The following MUC6 variants were observed in gnomAD, a reference collection of about 807,000 sequenced individuals.
MUC6 encodes mucin-6.
MUC6 carries 188 observed loss-of-function variants against 201.5 expected under a neutral mutation model. That is an observed-to-expected ratio of 0.93 (90% CI 0.83 to 1.05). The LOEUF is 1.05. Ranked by LOEUF, MUC6 falls within the 50% of genes least tolerant of loss-of-function variation. MUC6 has a pLI of 0.00. For synonymous variants in MUC6, 1,228 were observed against 1,389.4 expected (o/e 0.88, Z 2.58); for missense variants, 2,706 against 3,256.9 (o/e 0.83, Z 4.12).
chr11:1,031,365 C>A (rs189762595), intron 4 of MUC6, 106 bp from the exon 5 acceptor site: 118 of 1,221,950 alleles, frequency 9.7e-5, no homozygotes, highest in Middle Eastern at 2.6e-4. Flanking sequence ...ACCATCCCCC[C>A]ACCTGCTCAT....
chr11:1,013,878 G>A (rs1564829645), intron 32 of MUC6, 21 bp downstream of exon 32: 6 of 1,588,946 alleles, frequency 3.8e-6, no homozygotes, highest in South Asian at 3.4e-5. Flanking sequence ...CGTGGGGCAG[G>A]CCTCCCACCT....
chr11:1,032,380 TGGA>T (rs1437221227), intron 2 of MUC6, among the ~76,000 whole-genome samples: 1 of 151,022 alleles, frequency 6.6e-6, no homozygotes, highest in East Asian at 2.0e-4. Context: ...GTGTGTGTGT[TGGA>T]GGGCTGTGTA....
Position 1,016,152 on chromosome 11 carries a change from A to G in MUC6, c.6649T>C (p.Ser2217Pro). ...AGAGCAGAGAGGGTGAAAGGAGAGG[A>G]GATAGTGTGGGGGAGAGTGGCCCTA... ...TIRATLPHTISSPFTLSALLP... is the reference protein window; with the variant it reads ...TIRATLPHTIPSPFTLSALLP... Residue 2217 changes from serine to proline, a missense_variant, in exon 31 of 33, where the codon TCC becomes CCC. Physicochemically the swap from Ser to Pro is moderately conservative, Grantham distance 74 (BLOSUM62 -1). Transcript: ENST00000421673. 6.2e-7 allele frequency: 1 copy of G among 1,613,380 alleles called. No homozygotes were observed. Among genetic ancestry groups the G allele is most frequent in the Non-Finnish European group, 8.5e-7 (1 of 1,179,764 alleles).
At position 1,016,417 on chromosome 11, in the gene MUC6, G is replaced by A; in HGVS notation, c.6384C>T (p.Ser2128=). The change falls in exon 31 of 33, where the codon TCC becomes TCT. Residue 2128 remains serine, a synonymous_variant. Transcript: ENST00000421673. ...CAGAAGGACTGGGAGAAAATGAGGA[G>A]GACAGCTGATTAGTTGTGGAAACAG... The part of the protein sequence containing the change: ...TTPVSTTNQL[S]SSFSPSPSAP... 1 of 1,613,770 alleles carries A rather than the reference G, an allele frequency of 6.2e-7. No homozygotes were observed. The highest frequency in any genetic ancestry group is 8.5e-7 in the Non-Finnish European group (1 of 1,179,824).
intron 2 of MUC6, among the ~76,000 whole-genome samples, chr11:1,032,355 G>A (rs1285315630): frequency 6.6e-6 from 1 of 152,046 alleles, no homozygotes; most frequent in Admixed American, 6.5e-5. Context: ...GTGTGTCCAT[G>A]TGTGCATTGT....
At position 1,028,964 on chromosome 11, in the gene MUC6, GGA is replaced by G. The variant is rs1232648823; in HGVS notation, c.1381-5_1381-4del. The G allele has an allele frequency of 6.2e-7, 1 of 1,613,172 alleles. No homozygotes were observed. Among genetic ancestry groups the G allele is most frequent in the African/African-American group, 1.3e-5 (1 of 75,064 alleles). On this transcript the variant is annotated splice_polypyrimidine_tract_variant and splice_region_variant and intron_variant, in intron 11 of 32. Transcript: ENST00000421673. ...TCCTGAGAGATCACAATTTTGTCCTGGAGAGAGGGTGGCCTGAGTCAGGGTGC... is the reference window on the plus strand; with the variant it reads ...TCCTGAGAGATCACAATTTTGTCCTGGAGAGGGTGGCCTGAGTCAGGGTGC...
chr11:1,013,572 A>G lies in MUC6; in HGVS notation c.7204T>C (p.Tyr2402His). ...RCSCCRPLHS[Y>H]EQQLELPCPD... The stretch of plus-strand genomic sequence containing the variant: ...CAGGGCAGCTCCAGCTGCTGCTCAT[A>G]GGAGTGGAGGGGGCGGCAGCAGCTG... The change falls in exon 33 of 33, where the codon TAT becomes CAT. Residue 2402 changes from tyrosine (Y) to histidine (H), a missense_variant. Coordinates refer to ENST00000421673, the MANE Select transcript of MUC6 (RefSeq NM_005961.3). The G allele has an allele frequency of 6.4e-7, 1 of 1,572,568 alleles. No homozygotes were observed. Among genetic ancestry groups the G allele is most frequent in the South Asian group, 1.2e-5 (1 of 85,450 alleles).
Position 1,027,360 on chromosome 11 carries a change from G to A in MUC6, c.2139C>T (p.Gly713=), listed in dbSNP as rs1023949461. The A allele has an allele frequency of 5.0e-6, 8 of 1,612,840 alleles. No individual in the cohort carries two copies. The highest frequency in any genetic ancestry group is 1.3e-5 in the African/African-American group (1 of 74,920). ...CPDGTYLNQK[G]ECVRKAQCPC... ...GGCACTGGGCCTTGCGCACACACTC[G>A]CCCTTTTGGTTCAGGTAGGTGCCAT... Residue 713 remains glycine (G), a synonymous_variant, in exon 17 of 33, where the codon GGC becomes GGT. Coordinates refer to ENST00000421673, the MANE Select transcript of MUC6 (RefSeq NM_005961.3).
At chr11:1,029,755 C>T (rs1176391480) in intron 8 of MUC6, 140 bp from the exon 9 acceptor site, 5 of 1,215,964 alleles carry the variant, frequency 4.1e-6, no homozygotes, top group Middle Eastern at 2.9e-4. Flanking sequence ...GACGCCCCTC[C>T]AGCCTGGCTC....
In MUC6 at chr11:1,021,214, C is replaced by T; in HGVS notation, c.3589+1G>A. The stretch of plus-strand genomic sequence containing the variant: ...TTCTCAGGGCAGCCGACTGGACTTA[C>T]TGCAGGGCACGCACACCCCCTCCTC... On this transcript the variant is annotated splice_donor_variant, in intron 27 of 32. Transcript: ENST00000421673. LOFTEE classifies it high-confidence loss of function. The T allele has an allele frequency of 6.3e-7, 1 of 1,585,584 alleles. No homozygotes were observed. Among genetic ancestry groups the T allele is most frequent in the Non-Finnish European group, 8.6e-7 (1 of 1,168,084 alleles).
Position 1,033,687 on chromosome 11 carries a change from C to T in MUC6, c.53-612G>A, listed in dbSNP as rs1417185987. Among the ~76,000 whole-genome samples the T allele has an allele frequency of 2.6e-5, 4 of 152,026 alleles. No homozygotes were observed. Among genetic ancestry groups the T allele is most frequent in the East Asian group, 1.9e-4 (1 of 5,186 alleles). The stretch of plus-strand genomic sequence containing the variant: ...GACTCCAGGGCAGGGCAGCGGGGGA[C>T]GTCCCACCCTGACTCCCAGAGGCTG... On this transcript the variant is annotated intron_variant, in intron 1 of 32. Coordinates refer to ENST00000421673, the MANE Select transcript of MUC6 (RefSeq NM_005961.3). This position sits in a 1 kb window ranked among gnomAD's most constrained non-coding sequence, Gnocchi z 5.6.
At chr11:1,023,329 CATGA>C (rs879207848) in intron 26 of MUC6, among the ~76,000 whole-genome samples, 176 bp downstream of exon 26, 16 of 151,282 alleles carry the variant, frequency 1.1e-4, no homozygotes, top group South Asian at 1.1e-3. Flanking sequence ...CATGAATCTG[CATGA>C]ATGAATGTGA....
rs372398142 is a variant in MUC6, at chr11:1,032,023, C to G, written c.146G>C (p.Gly49Ala). Residue 49 changes from glycine to alanine, a missense_variant, in exon 3 of 33, where the codon GGG becomes GCG. Gly to Ala is a moderately conservative substitution (Grantham distance 60). Coordinates refer to ENST00000421673, the MANE Select transcript of MUC6 (RefSeq NM_005961.3). ...APDKGQCSTW[G>A]AGHFSTFDHH... is the part of the protein sequence containing the mutation. ...GTCGAAGGTGGAGAAGTGACCAGCC[C>G]CCCACGTGGAGCACTGGCCTTTGTC... 7 of 1,613,330 alleles carry G rather than the reference C, an allele frequency of 4.3e-6. No individual in the cohort carries two copies. The African/African-American group carries it at 8.0e-5, about 18-fold the overall frequency.
At position 1,016,475 on chromosome 11, in the gene MUC6, G is replaced by C. The variant is rs1199270741; in HGVS notation, c.6326C>G (p.Thr2109Arg). ...SSRPPSSPITTQLPHLSSATT... is the reference protein window; with the variant it reads ...SSRPPSSPITRQLPHLSSATT... ...TGCAGAACTCAAGTGGGGGAGTTGT[G>C]TGGTGATAGGTGATGACGGTGGCCT... Residue 2109 changes from threonine to arginine, a missense_variant, in exon 31 of 33, where the codon ACA (threonine) becomes AGA (arginine). This residue lies in a region of MUC6 where 586 missense variants were observed against 488.0 expected (regional missense o/e 1.20). Coordinates refer to ENST00000421673, the MANE Select transcript of MUC6 (RefSeq NM_005961.3). 1 of 1,613,920 alleles carries C rather than the reference G, an allele frequency of 6.2e-7. No individual in the cohort carries two copies. Among genetic ancestry groups the C allele is most frequent in the East Asian group, 2.2e-5 (1 of 44,884 alleles).
In MUC6 at chr11:1,016,066, G is replaced by T. The variant is rs1230529162; in HGVS notation, c.6735C>A (p.Thr2245=). The T allele has an allele frequency of 6.2e-7, 1 of 1,612,694 alleles. No homozygotes were observed. The highest frequency in any genetic ancestry group is 1.7e-5 in the Admixed American group (1 of 59,992). ...PTPSSHLASS[T]IAFPSTPRTT... ...TCCTGGGCGTGGACGGAAATGCAAT[G>T]GTGCTGGAGGCTAGGTGGCTGGATG... The change falls in exon 31 of 33, where the codon ACC becomes ACA. Residue 2245 remains threonine (T), a synonymous_variant. Coordinates refer to ENST00000421673, the MANE Select transcript of MUC6 (RefSeq NM_005961.3).
intron 14 of MUC6, 33 bp downstream of exon 14, chr11:1,028,193 G>C (rs1281463842): frequency 6.5e-7 from 1 of 1,546,388 alleles, no homozygotes; most frequent in African/African-American, 1.4e-5. Context: ...GCGCTGGGGG[G>C]GCAGCCAGGG....
chr11:1,018,980 C>G (rs1856747812), intron 30 of MUC6, among the ~76,000 whole-genome samples: 1 of 152,192 alleles, frequency 6.6e-6, no homozygotes, highest in Non-Finnish European at 1.5e-5. Flanking sequence ...CGTGCTGACT[C>G]CTTCAGTGCA....
At chr11:1,019,984 G>T in intron 29 of MUC6, 106 bp downstream of exon 29, 1 of 1,353,222 alleles carries the variant, frequency 7.4e-7, no homozygotes, top group Non-Finnish European at 1.0e-6. Context: ...TCTGCTTAGT[G>T]GCAGATGTGA....
At chr11:1,019,094 T>C (rs1856750066) in intron 30 of MUC6, among the ~76,000 whole-genome samples, 181 bp downstream of exon 30, 1 of 152,244 alleles carries the variant, frequency 6.6e-6, no homozygotes, top group Non-Finnish European at 1.5e-5. Context: ...TCCCCAGGCC[T>C]GCCTTTGTGA....
Sources: allele counts gnomAD v4.1 joint callset (sites outside exome capture counted in the v4.1 genomes callset), GRCh38; gene constraint gnomAD v4.1.1; regional missense constraint gnomAD v4.1.1; non-coding constraint Gnocchi (gnomAD v3.1); transcripts MANE v1.5; gene names NCBI Gene and HGNC (gene_info 2026-07-23, HGNC 2026-07-21).